The following TUNAR variants were observed in gnomAD, a reference collection of about 807,000 sequenced individuals.
TUNAR encodes protein TUNAR.
chr14:95,908,257 G>A (rs986125191), intron 2 of TUNAR, among the ~76,000 whole-genome samples: 1 of 152,216 alleles, frequency 6.6e-6, no homozygotes, highest in African/African-American at 2.4e-5. Flanking sequence ...ATGAGGGCAG[G>A]GATGACTTCC....
exon 2 of TUNAR, chr14:95,877,165 G>A (rs1048869114): frequency 6.6e-6 from 1 of 152,266 alleles, no homozygotes; most frequent in Non-Finnish European, 1.5e-5. Flanking sequence ...ACCGCCTCCG[G>A]ATGCGCTTCT....
At chr14:95,884,422 A>G (rs916312195) in intron 2 of TUNAR, among the ~76,000 whole-genome samples, 11 of 152,184 alleles carry the variant, frequency 7.2e-5, no homozygotes, top group African/African-American at 2.7e-4. Flanking sequence ...CAGCCCTGGT[A>G]GGTGGGGCAC....
intron 2 of TUNAR, among the ~76,000 whole-genome samples, chr14:95,920,529 A>G (rs1007995252): frequency 6.6e-6 from 1 of 152,200 alleles, no homozygotes; most frequent in Non-Finnish European, 1.5e-5. Context: ...TGTGAAGAAT[A>G]TGAAACTTGC....
chr14:95,886,607 C>G (rs1326924486), intron 2 of TUNAR, among the ~76,000 whole-genome samples: 1 of 152,216 alleles, frequency 6.6e-6, no homozygotes, highest in Non-Finnish European at 1.5e-5. Context: ...AGATTGCCAT[C>G]CTCTGGAGGG....
At chr14:95,899,715 C>A (rs546339606) in intron 2 of TUNAR, among the ~76,000 whole-genome samples, 8 of 152,178 alleles carry the variant, frequency 5.3e-5, no homozygotes, top group African/African-American at 1.4e-4. Context: ...GGGTGGAGAG[C>A]TGTCTTCTGG....
At chr14:95,902,699 G>T (rs371557224) in intron 2 of TUNAR, among the ~76,000 whole-genome samples, 27 of 152,248 alleles carry the variant, frequency 1.8e-4, no homozygotes, top group Non-Finnish European at 3.2e-4. Context: ...CTTGGTAAAA[G>T]GACACTCTGG....
chr14:95,921,484 T>C (rs1454511495), intron 2 of TUNAR, among the ~76,000 whole-genome samples: 2 of 152,250 alleles, frequency 1.3e-5, no homozygotes, highest in Non-Finnish European at 2.9e-5. Flanking sequence ...GGCTGCCCAG[T>C]CTGCCTCCTG....
chr14:95,919,909 T>C (rs934543291), intron 2 of TUNAR, among the ~76,000 whole-genome samples: 16 of 152,160 alleles, frequency 1.1e-4, no homozygotes, highest in Non-Finnish European at 1.9e-4. Flanking sequence ...AAACTTAATA[T>C]GAAATATTGG....
rs144089302 is a variant in TUNAR at position 95,881,398 on chromosome 14, T to C, written c.12+4221T>C. Among the ~76,000 whole-genome samples the C allele has an allele frequency of 2.0e-5, 3 of 152,316 alleles. No homozygotes were observed. The East Asian group carries it at 5.8e-4, about 29-fold the overall frequency. On this transcript the variant is annotated intron_variant, in intron 2 of 2. Transcript: ENST00000678517. ...TCTGTGGGAGGTGAACACAAACTGA[T>C]GTATGCGACGTCAGTCTGAGGAGTT...
chr14:95,912,940 G>A (rs1029555042), intron 2 of TUNAR, among the ~76,000 whole-genome samples: 2 of 152,152 alleles, frequency 1.3e-5, no homozygotes, highest in South Asian at 2.1e-4. Context: ...ACAGGCGCCT[G>A]CCGCCACACC....
intron 2 of TUNAR, among the ~76,000 whole-genome samples, chr14:95,905,119 T>G (rs1381050153): frequency 6.6e-6 from 1 of 152,214 alleles, no homozygotes. Flanking sequence ...GACTTAAACA[T>G]TACCTCTTTT....
At chr14:95,877,775 A>G (rs983184518) in intron 2 of TUNAR, among the ~76,000 whole-genome samples, 1 of 152,242 alleles carries the variant, frequency 6.6e-6, no homozygotes, top group East Asian at 1.9e-4. Context: ...TCCAATGAGT[A>G]TCTGTTCTGA....
chr14:95,909,970 G>T (rs568401976), intron 2 of TUNAR, among the ~76,000 whole-genome samples: 1 of 152,216 alleles, frequency 6.6e-6, no homozygotes, highest in African/African-American at 2.4e-5. Context: ...CCCAGCAGGC[G>T]GTGGTGGGAC....
chr14:95,909,459 A>G (rs1197005118), intron 2 of TUNAR, among the ~76,000 whole-genome samples: 1 of 151,748 alleles, frequency 6.6e-6, no homozygotes, highest in African/African-American at 2.4e-5. Context: ...AATTTTTTGT[A>G]TTTTTAGTAG....
intron 2 of TUNAR, among the ~76,000 whole-genome samples, chr14:95,898,961 A>G (rs959410237): frequency 3.9e-5 from 6 of 152,206 alleles, no homozygotes; most frequent in African/African-American, 1.4e-4. Flanking sequence ...AAGACTGGGT[A>G]ACTGACCAGG....
chr14:95,891,183 T>G (rs544481610), intron 2 of TUNAR, among the ~76,000 whole-genome samples: 1 of 152,322 alleles, frequency 6.6e-6, no homozygotes, highest in South Asian at 2.1e-4. Flanking sequence ...ACACTCAAAG[T>G]GACTGATTTC....
Position 95,895,062 on chromosome 14 carries a change from A to G in TUNAR, c.12+17885A>G, listed in dbSNP as rs1198165872. Among the ~76,000 whole-genome samples the G allele has an allele frequency of 6.6e-6, 1 of 152,242 alleles. No individual in the cohort carries two copies. Among genetic ancestry groups the G allele is most frequent in the Non-Finnish European group, 1.5e-5 (1 of 68,040 alleles). ...CAGGGAGTCAAGCCAGACAGCCAGC[A>G]TCTCCAGAGAATAGTGACAGATGTT... On this transcript the variant is annotated intron_variant, in intron 2 of 2. Coordinates refer to ENST00000678517, the Ensembl canonical transcript of TUNAR. The surrounding 1 kb of genome is among the most constrained non-coding windows in gnomAD (Gnocchi z 4.5).
At chr14:95,883,630 A>G (rs1048131986) in intron 2 of TUNAR, among the ~76,000 whole-genome samples, 1 of 152,062 alleles carries the variant, frequency 6.6e-6, no homozygotes, top group African/African-American at 2.4e-5. Context: ...GCTGTTGCAT[A>G]CTTGGAGGCA....
At chr14:95,884,407 G>A (rs977969804) in intron 2 of TUNAR, among the ~76,000 whole-genome samples, 15 of 152,146 alleles carry the variant, frequency 9.9e-5, no homozygotes, top group Non-Finnish European at 2.9e-5. Context: ...GGCAAGGCAG[G>A]GTGCCAGCCC....
Sources: gnomAD v4.1 joint callset for allele counts (sites outside exome capture counted in the v4.1 genomes callset) on GRCh38, gnomAD v4.1.1 for gene constraint, Gnocchi (gnomAD v3.1) non-coding constraint, MANE v1.5 for transcripts, NCBI Gene and HGNC (gene_info 2026-07-23, HGNC 2026-07-21) for gene names.